Variants in PARL observed in about 807,000 individuals in gnomAD.
The protein encoded by PARL is presenilin associated rhomboid like, also known as presenilin-associated rhomboid-like protein, mitochondrial.
In PARL, 44 loss-of-function variants were observed where a neutral mutation model predicts 51.6. The ratio of observed to expected loss-of-function variants is 0.85; its 90% CI spans 0.67 to 1.10. The LOEUF is 1.10. Ranked by LOEUF, PARL falls within the 50% of genes least tolerant of loss-of-function variation. The pLI, the probability that PARL is intolerant of heterozygous loss-of-function variation, is 0.00. For missense variants in PARL, 441 were observed against 469.5 expected (o/e 0.94, Z 0.56); for synonymous variants, 172 against 164.0 (o/e 1.05, Z -0.37).
chr3:183,843,697 G>A (rs941293595), intron 5 of PARL, among the ~76,000 whole-genome samples: 4 of 152,116 alleles, frequency 2.6e-5, no homozygotes, highest in Non-Finnish European at 4.4e-5. Context: ...GGGGCGTGGT[G>A]GCGGGCACCT....
intron 6 of PARL, among the ~76,000 whole-genome samples, chr3:183,841,784 C>T (rs1729341440): frequency 6.6e-6 from 1 of 152,116 alleles, no homozygotes; most frequent in Admixed American, 6.5e-5. Flanking sequence ...GGAAGTGGTT[C>T]CCTGCTACAT....
At chr3:183,853,746 T>A (rs1352321158) in intron 4 of PARL, among the ~76,000 whole-genome samples, 1 of 152,192 alleles carries the variant, frequency 6.6e-6, no homozygotes, top group Non-Finnish European at 1.5e-5. Flanking sequence ...CTCATCAAGA[T>A]GGCTACTGTC....
chr3:183,855,269 A>C (rs1344166003), intron 4 of PARL, among the ~76,000 whole-genome samples: 1 of 152,168 alleles, frequency 6.6e-6, no homozygotes, highest in Non-Finnish European at 1.5e-5. Context: ...AATAAAAACC[A>C]CTGAATTTAC....
At chr3:183,849,128 A>G (rs1267088387) in intron 4 of PARL, among the ~76,000 whole-genome samples, 1 of 152,226 alleles carries the variant, frequency 6.6e-6, no homozygotes, top group Non-Finnish European at 1.5e-5. Context: ...AATGGAGAGA[A>G]TAATTAAATG....
At chr3:183,868,569 T>A (rs1251017348) in intron 1 of PARL, among the ~76,000 whole-genome samples, 1 of 152,008 alleles carries the variant, frequency 6.6e-6, no homozygotes, top group African/African-American at 2.4e-5. Flanking sequence ...GGCTACCACA[T>A]TGTTAATTTT....
At chr3:183,843,568 C>A (rs1034517747) in intron 5 of PARL, among the ~76,000 whole-genome samples, 1 of 152,150 alleles carries the variant, frequency 6.6e-6, no homozygotes. Flanking sequence ...CAGTGGCTCA[C>A]GCCTATAATC....
At chr3:183,838,047 G>GTTTTTTTTT in intron 7 of PARL, among the ~76,000 whole-genome samples, 1 of 149,922 alleles carries the variant, frequency 6.7e-6, no homozygotes. Context: ...TTTGAGATGG[G>GTTTTTTTTT]GTCTCGCTAT....
chr3:183,880,800 A>G (rs1264963849), intron 1 of PARL, among the ~76,000 whole-genome samples: 1 of 151,892 alleles, frequency 6.6e-6, no homozygotes, highest in Non-Finnish European at 1.5e-5. Context: ...AGTCTCATAA[A>G]TGTTTTGGTT....
chr3:183,869,159 G>A (rs1262379048), intron 1 of PARL, among the ~76,000 whole-genome samples: 1 of 151,978 alleles, frequency 6.6e-6, no homozygotes, highest in African/African-American at 2.4e-5. Context: ...AACTTTCCCA[G>A]GTCACAAAGT....
At chr3:183,833,401 G>A in intron 9 of PARL, 91 bp downstream of exon 9, 1 of 814,766 alleles carries the variant, frequency 1.2e-6, no homozygotes, top group South Asian at 1.4e-5. Context: ...CAATGTCTCT[G>A]CCATGGGGAT....
rs1734811890 is a variant in PARL, at chr3:183,883,728, G to A, written c.125+994C>T. On this transcript the variant is annotated intron_variant, in intron 1 of 9. Coordinates refer to ENST00000317096, the MANE Select transcript of PARL (RefSeq NM_018622.7). ...TACAATGTATGTAAAGTTTTCACAA[G>A]TCCCTGATAAAATTCACCTGGAATG... 3.1e-6 allele frequency: 3 copies of A among 981,904 alleles called. No individual in the cohort carries two copies. The South Asian group carries it at 1.4e-4, about 46-fold the overall frequency. 60.8% of individuals were successfully genotyped at this position (981,904 alleles called of 1,614,324 possible).
chr3:183,856,522 A>T (rs1731203583), intron 4 of PARL: 1 of 152,272 alleles, frequency 6.6e-6, no homozygotes, highest in Non-Finnish European at 1.5e-5. Context: ...AGTATCCACC[A>T]AACTAATTAA....
At chr3:183,865,112 G>A (rs1162701266) in intron 3 of PARL, among the ~76,000 whole-genome samples, 6 of 152,106 alleles carry the variant, frequency 3.9e-5, no homozygotes, top group African/African-American at 1.4e-4. Flanking sequence ...TTTGAGACCA[G>A]CCTGGGCAAC....
At chr3:183,826,732 C>A, downstream of PARL, 4 of 985,248 alleles carry the variant, frequency 4.1e-6, no homozygotes, top group African/African-American at 3.5e-5. Context: ...AGAGGGAGAT[C>A]CTGGAAAATG....
chr3:183,861,426 A>C (rs1341493187), intron 4 of PARL: 1 of 153,730 alleles, frequency 6.5e-6, no homozygotes. Flanking sequence ...TGTTACACAT[A>C]CAATTACATA....
chr3:183,849,511 A>G (rs1009441611), intron 4 of PARL, among the ~76,000 whole-genome samples: 3 of 152,198 alleles, frequency 2.0e-5, no homozygotes, highest in Non-Finnish European at 4.4e-5. Context: ...AATTTATAGG[A>G]GGCAACAAAA....
intron 7 of PARL, among the ~76,000 whole-genome samples, chr3:183,835,348 C>T (rs542208514): frequency 3.2e-4 from 49 of 152,248 alleles, no homozygotes; most frequent in Non-Finnish European, 6.0e-4. Flanking sequence ...GATTATCTTA[C>T]ATTTGGGGAA....
rs546096753 is a variant in PARL, at chr3:183,875,088, C to T, written c.126-7028G>A. Among the ~76,000 whole-genome samples, 4 of 152,182 alleles carry T rather than the reference C, an allele frequency of 2.6e-5. No individual in the cohort carries two copies. The South Asian group carries it at 8.3e-4, about 32-fold the overall frequency. On this transcript the variant is annotated intron_variant, in intron 1 of 9. Transcript: ENST00000317096. ...CTCTGTATCAACAACAGCAAAACTA[C>T]TGAAGGAAATTTTAAGTGCTACTCC... is the stretch of plus-strand genomic sequence containing the variant.
intron 1 of PARL, among the ~76,000 whole-genome samples, chr3:183,884,460 G>T (rs1286067423): frequency 5.3e-5 from 8 of 152,180 alleles, no homozygotes; most frequent in African/African-American, 1.9e-4. Flanking sequence ...GGCACGCAAT[G>T]AACCCTCAGC....
Sources: gnomAD v4.1 joint callset for allele counts (sites outside exome capture counted in the v4.1 genomes callset) on GRCh38, gnomAD v4.1.1 for gene constraint, MANE v1.5 for transcripts, NCBI Gene and HGNC (gene_info 2026-07-23, HGNC 2026-07-21) for gene names.